WDR62: variants seen among roughly 807,000 people sequenced by gnomAD.
The protein encoded by WDR62 is WD repeat-containing protein 62.
A neutral mutation model predicts 160.6 loss-of-function variants in WDR62; 112 were observed. The ratio of observed to expected loss-of-function variants is 0.70; its 90% CI spans 0.60 to 0.82. WDR62 has a LOEUF of 0.82. Ranked by LOEUF, WDR62 falls within the 40% of genes least tolerant of loss-of-function variation. The pLI is 0.00. For synonymous variants in WDR62, 792 were observed against 815.1 expected (o/e 0.97, Z 0.48); for missense variants, 1,819 against 1,983.8 (o/e 0.92, Z 1.58).
At chr19:36,102,906 C>T (rs776480261) in intron 27 of WDR62, 42 bp from the exon 28 acceptor site, 4 of 1,614,178 alleles carry the variant, frequency 2.5e-6, no homozygotes, top group South Asian at 2.2e-5. Context: ...TGCCCCAGGG[C>T]AGGCTGAATG....
Position 36,094,097 on chromosome 19 carries a change from T to C in WDR62, c.2400T>C (p.Asp800=), listed in dbSNP as rs1458653275. 6.2e-7 allele frequency: 1 copy of C among 1,614,128 alleles called. No homozygotes were observed. The highest frequency in any genetic ancestry group is 1.7e-4 in the Middle Eastern group (1 of 6,052). ...TGAGCCCTGGAGAGCAAACAGAGGA[T>C]GATCTGGAGGAAGAGTGTGAGCCAG... ...HSLSPGEQTE[D]DLEEECEPEE... Residue 800 remains aspartate (D), a synonymous_variant, in exon 20 of 32, where the codon GAT becomes GAC. Coordinates refer to ENST00000401500, the MANE Select transcript of WDR62 (RefSeq NM_001083961.2).
intron 1 of WDR62, among the ~76,000 whole-genome samples, 156 bp from the exon 2 acceptor site, chr19:36,058,624 G>T (rs1458784089): frequency 6.6e-6 from 1 of 152,274 alleles, no homozygotes; most frequent in Non-Finnish European, 1.5e-5. Context: ...TCAAAGGAAT[G>T]TTGAGAGAAC....
intron 21 of WDR62, among the ~76,000 whole-genome samples, chr19:36,098,521 T>A (rs1555722220): frequency 6.8e-6 from 1 of 147,998 alleles, no homozygotes; most frequent in Non-Finnish European, 1.5e-5. Context: ...ACCGAAATCA[T>A]GCCACTGCAC....
At chr19:36,076,942 A>G (rs1971602441) in intron 9 of WDR62, among the ~76,000 whole-genome samples, 1 of 152,102 alleles carries the variant, frequency 6.6e-6, no homozygotes, top group South Asian at 2.1e-4. Flanking sequence ...GGAATGGGGA[A>G]TTATATATGT....
intron 3 of WDR62, among the ~76,000 whole-genome samples, chr19:36,065,017 C>CCCTTTGAAAT (rs1970860220): frequency 6.6e-6 from 1 of 152,170 alleles, no homozygotes. Context: ...GCAAAGGGTT[C>CCCTTTGAAAT]CCTTTGACGA....
chr19:36,108,561 G>A (rs1555725681), downstream of WDR62, among the ~76,000 whole-genome samples: 1 of 142,878 alleles, frequency 7.0e-6, no homozygotes, highest in Non-Finnish European at 1.5e-5. Flanking sequence ...GCCCAGAGGA[G>A]GGATTCCTCG....
rs747779617 is a variant in WDR62, at chr19:36,073,209, G to T, written c.1044-133G>T. 213 of 868,718 alleles carry T rather than the reference G, an allele frequency of 2.5e-4. 1 individual carries two copies. Among genetic ancestry groups the T allele is most frequent in the Non-Finnish European group, 3.8e-4 (200 of 523,542 alleles). 53.8% of individuals were successfully genotyped at this position (868,718 alleles called of 1,614,324 possible). ...GAGGGAAGAGGGAAAAGTAGAATTGGAGCAGGAGAGATGGATGGCCACAAA... is the reference window on the plus strand; with the variant it reads ...GAGGGAAGAGGGAAAAGTAGAATTGTAGCAGGAGAGATGGATGGCCACAAA... On this transcript the variant is annotated intron_variant, in intron 8 of 31. Coordinates refer to ENST00000401500, the MANE Select transcript of WDR62 (RefSeq NM_001083961.2).
intron 2 of WDR62, 117 bp downstream of exon 2, chr19:36,058,988 T>C: frequency 4.7e-6 from 4 of 851,556 alleles, no homozygotes; most frequent in South Asian, 1.4e-5. Flanking sequence ...ATGTGGAGAA[T>C]GGGGCCTGCC....
chr19:36,089,168 C>T lies in WDR62; in HGVS notation c.1837-17C>T. The T allele has an allele frequency of 1.9e-6, 3 of 1,613,550 alleles. No individual in the cohort carries two copies. Among genetic ancestry groups the T allele is most frequent in the Non-Finnish European group, 8.5e-7 (1 of 1,179,718 alleles). On this transcript the variant is annotated splice_polypyrimidine_tract_variant and intron_variant, in intron 14 of 31. Transcript: ENST00000401500. ...GGTTGTCGGGGCATTCTCTGAAGGT[C>T]CTGCCGGCCCTGCCAGGGTTCGGAT...
At position 36,101,184 on chromosome 19, in the gene WDR62, G is replaced by A. The variant is rs1973306827; in HGVS notation, c.2868-30G>A. On this transcript the variant is annotated intron_variant, in intron 23 of 31. Transcript: ENST00000401500. ...TGTTGAGTCTCCAGCTGAAGTCCTTGTTCCCTCTCTGCCCCCACTGGCACT... is the reference window on the plus strand; with the variant it reads ...TGTTGAGTCTCCAGCTGAAGTCCTTATTCCCTCTCTGCCCCCACTGGCACT... 4.4e-6 allele frequency: 7 copies of A among 1,587,658 alleles called. No individual in the cohort carries two copies. The Admixed American group carries it at 7.1e-5, about 16-fold the overall frequency.
intron 15 of WDR62, among the ~76,000 whole-genome samples, chr19:36,089,631 C>T (rs1307613824): frequency 4.6e-5 from 7 of 152,258 alleles, no homozygotes; most frequent in African/African-American, 9.6e-5. Flanking sequence ...TTAGTAGAGA[C>T]GAGGTTTCGC....
chr19:36,072,613 T>C (rs183587670), intron 8 of WDR62, among the ~76,000 whole-genome samples: 2 of 152,198 alleles, frequency 1.3e-5, no homozygotes, highest in African/African-American at 4.8e-5. Flanking sequence ...GGCTGCCTCT[T>C]TGTGGATTTC....
At chr19:36,062,665 A>AAAAAC (rs1568325526) in intron 3 of WDR62, 1 of 141,690 alleles carries the variant, frequency 7.1e-6, no homozygotes, top group Non-Finnish European at 1.5e-5. Context: ...AAAAAAAAAA[A>AAAAAC]AAAAAAAAAA....
downstream of WDR62, among the ~76,000 whole-genome samples, chr19:36,108,723 G>A (rs920747218): frequency 6.6e-6 from 1 of 151,938 alleles, no homozygotes; most frequent in Non-Finnish European, 1.5e-5. Flanking sequence ...GTGTGGTGGT[G>A]CACGCCTGTA....
At chr19:36,101,065 A>AAGG in intron 23 of WDR62, 149 bp from the exon 24 acceptor site, 2 of 1,155,446 alleles carry the variant, frequency 1.7e-6, no homozygotes, top group East Asian at 5.0e-5. Flanking sequence ...GACCTGGGGG[A>AAGG]AGGAGGGGGC....
chr19:36,104,824 C>T lies in WDR62; in HGVS notation c.4368C>T (p.Val1456=). 6.2e-7 allele frequency: 1 copy of T among 1,613,566 alleles called. No homozygotes were observed. The highest frequency in any genetic ancestry group is 1.1e-5 in the South Asian group (1 of 91,068). The change falls in exon 32 of 32, where the codon GTC becomes GTT. Residue 1456 remains valine, a synonymous_variant. Coordinates refer to ENST00000401500, the MANE Select transcript of WDR62 (RefSeq NM_001083961.2). ...TGQQQARTEL[V]STFLWIHSQL... is the part of the protein sequence containing the mutation. ...AGCAGCAGGCACGGACTGAGCTGGT[C>T]TCCACCTTCCTGTGGATCCACAGCC...
rs570527707 is a variant in WDR62, at chr19:36,057,112, G to A, written c.178-1668G>A. On this transcript the variant is annotated intron_variant, in intron 1 of 31. Coordinates refer to ENST00000401500, the MANE Select transcript of WDR62 (RefSeq NM_001083961.2). The stretch of plus-strand genomic sequence containing the variant: ...TTACAGGCGTGAGCTACTGTGCCCC[G>A]CCAAGTTATGAACTTATCTGTGCCT... Among the ~76,000 whole-genome samples the A allele has an allele frequency of 3.0e-4, 45 of 152,190 alleles. 1 individual carries two copies. In the South Asian group the frequency reaches 9.1e-3, roughly 31 times the overall value.
intron 26 of WDR62, 133 bp downstream of exon 26, chr19:36,102,284 C>A: frequency 7.6e-7 from 1 of 1,319,168 alleles, no homozygotes; most frequent in South Asian, 1.2e-5. Context: ...TTTTTTGAGA[C>A]GGAGTCTCGC....
At chr19:36,055,703 C>T (rs1192433642) in intron 1 of WDR62, among the ~76,000 whole-genome samples, 2 of 152,224 alleles carry the variant, frequency 1.3e-5, no homozygotes, top group African/African-American at 4.8e-5. Context: ...CTCTGCAGTG[C>T]TGCCTGGGGA....
Sources: gnomAD v4.1 joint callset for allele counts (sites outside exome capture counted in the v4.1 genomes callset) on GRCh38, gnomAD v4.1.1 for gene constraint, MANE v1.5 for transcripts, NCBI Gene and HGNC (gene_info 2026-07-23, HGNC 2026-07-21) for gene names.